The following CTNNA3 variants were observed in gnomAD, a reference collection of about 807,000 sequenced individuals.
CTNNA3 encodes catenin alpha-3.
In CTNNA3, 76 loss-of-function variants were observed where a neutral mutation model predicts 95.7. That is an observed-to-expected ratio of 0.79 (90% CI 0.66 to 0.96). The LOEUF (loss-of-function observed/expected upper bound fraction) is 0.96. Among genes scored for constraint, CTNNA3 ranks in the 40% least tolerant of loss-of-function variants. The pLI, the probability that CTNNA3 is intolerant of heterozygous loss-of-function variation, is 0.00. For synonymous variants in CTNNA3, 431 were observed against 374.4 expected (o/e 1.15, Z -1.74); for missense variants, 1,191 against 1,089.8 (o/e 1.09, Z -1.31).
intron 10 of CTNNA3, among the ~76,000 whole-genome samples, chr10:66,600,520 C>T (rs1843882283): frequency 1.3e-5 from 2 of 151,750 alleles, no homozygotes; most frequent in South Asian, 4.1e-4. Flanking sequence ...GCATAACACA[C>T]TGATCCATCA....
chr10:66,315,146 A>G lies in CTNNA3; in HGVS notation c.1733-34525T>C, dbSNP rs371016469. On this transcript the variant is annotated intron_variant, in intron 12 of 17. Coordinates refer to ENST00000433211, the MANE Select transcript of CTNNA3 (RefSeq NM_013266.4). ...GCTTATTGCTCCTTTTTTTTTCTCT[A>G]CTAGAAGTAAGTAATTTTCCTCCTT... Among the ~76,000 whole-genome samples, 5 of 151,798 alleles carry G rather than the reference A, an allele frequency of 3.3e-5. No homozygotes were observed. In the East Asian group the frequency reaches 7.7e-4, roughly 24 times the overall value.
chr10:67,704,636 T>C (rs1171684691), intron 1 of CTNNA3, among the ~76,000 whole-genome samples: 1 of 151,952 alleles, frequency 6.6e-6, no homozygotes, highest in Non-Finnish European at 1.5e-5. Context: ...TCAAGATGGA[T>C]TAAAGACTTA....
chr10:67,640,453 C>G (rs957684161), intron 2 of CTNNA3, among the ~76,000 whole-genome samples: 1 of 152,128 alleles, frequency 6.6e-6, no homozygotes, highest in African/African-American at 2.4e-5. Flanking sequence ...ATATTCAATG[C>G]CATCCCCATC....
chr10:65,970,502 T>A (rs1009499370), intron 16 of CTNNA3, among the ~76,000 whole-genome samples: 2 of 151,844 alleles, frequency 1.3e-5, no homozygotes, highest in Admixed American at 6.6e-5. Context: ...AATAACAACA[T>A]CCATTCATCT....
intron 5 of CTNNA3, among the ~76,000 whole-genome samples, chr10:67,455,401 C>T (rs1847135288): frequency 6.6e-6 from 1 of 152,102 alleles, no homozygotes; most frequent in Non-Finnish European, 1.5e-5. Context: ...TTTACAGATA[C>T]TCCCCCTCCA....
intron 5 of CTNNA3, among the ~76,000 whole-genome samples, chr10:67,510,670 A>T (rs2133127959): frequency 6.6e-6 from 1 of 152,238 alleles, no homozygotes; most frequent in Non-Finnish European, 1.5e-5. Context: ...TTGTCTTGGC[A>T]CTACAAGCTC....
rs74142495 is a variant in CTNNA3, at chr10:67,347,702, G to A, written c.580-127832C>T. ...TTTTTAGTAAATGTTAGTGTACAAA[G>A]GTAATTTAGGTTTTGAGGTGTATCC... is the stretch of plus-strand genomic sequence containing the variant. On this transcript the variant is annotated intron_variant, in intron 5 of 17. Coordinates refer to ENST00000433211, the MANE Select transcript of CTNNA3 (RefSeq NM_013266.4). 2.2e-3 allele frequency among the ~76,000 whole-genome samples: 334 copies of A among 151,932 alleles called. 1 individual carries two copies. Among genetic ancestry groups the A allele is most frequent in the African/African-American group, 7.7e-3 (317 of 41,434 alleles).
intron 1 of CTNNA3, among the ~76,000 whole-genome samples, chr10:67,683,727 C>T (rs960406869): frequency 6.6e-6 from 1 of 152,196 alleles, no homozygotes; most frequent in East Asian, 1.9e-4. Context: ...AGTGTTACCA[C>T]TCTTAAAGAT....
Position 67,138,723 on chromosome 10 carries a change from C to G in CTNNA3, c.1047+41594G>C, listed in dbSNP as rs73260224. ...GATGATTTGCCCATAAATGAGCACC[C>G]AACCCAACTTTCTGGGTTTTTTGAA... is the stretch of plus-strand genomic sequence containing the variant. On this transcript the variant is annotated intron_variant, in intron 7 of 17. Coordinates refer to ENST00000433211, the MANE Select transcript of CTNNA3 (RefSeq NM_013266.4). Among the ~76,000 whole-genome samples, 199 of 152,224 alleles carry G rather than the reference C, an allele frequency of 1.3e-3. 2 individuals are homozygous for G. Among genetic ancestry groups the G allele is most frequent in the African/African-American group, 4.6e-3 (193 of 41,536 alleles).
At chr10:66,460,468 A>C (rs1306368896) in intron 11 of CTNNA3, among the ~76,000 whole-genome samples, 1 of 152,198 alleles carries the variant, frequency 6.6e-6, no homozygotes. Context: ...ATATTGGTTT[A>C]GACTTCTTGG....
At chr10:66,115,911 G>A (rs550637832) in intron 13 of CTNNA3, among the ~76,000 whole-genome samples, 1 of 152,194 alleles carries the variant, frequency 6.6e-6, no homozygotes, top group South Asian at 2.1e-4. Flanking sequence ...CAGTAATTCA[G>A]ATCTATATTA....
intron 8 of CTNNA3, 22 bp downstream of exon 8, chr10:66,775,422 C>T (rs1167124934): frequency 6.5e-7 from 1 of 1,535,622 alleles, no homozygotes; most frequent in South Asian, 1.2e-5. Flanking sequence ...GTTTCTGACT[C>T]CATATCTCTC....
At chr10:67,737,124 G>A (rs113868675) in intron 1 of CTNNA3, among the ~76,000 whole-genome samples, 5,258 of 151,824 alleles carry the variant, frequency 0.035, 99 homozygotes, top group Middle Eastern at 0.085. Flanking sequence ...CCACCACACC[G>A]GGCTAATTTC....
chr10:66,231,298 T>G (rs2132010627), intron 13 of CTNNA3, among the ~76,000 whole-genome samples: 1 of 152,304 alleles, frequency 6.6e-6, no homozygotes, highest in Non-Finnish European at 1.5e-5. Flanking sequence ...TTTCTCTATA[T>G]GCATATATGA....
chr10:66,874,557 GT>G (rs1844540728), intron 7 of CTNNA3, among the ~76,000 whole-genome samples: 1 of 152,146 alleles, frequency 6.6e-6, no homozygotes, highest in African/African-American at 2.4e-5. Flanking sequence ...ATTTAAACAT[GT>G]ATACATAAAT....
At chr10:66,810,232 A>C (rs1841821006) in intron 7 of CTNNA3, among the ~76,000 whole-genome samples, 1 of 152,204 alleles carries the variant, frequency 6.6e-6, no homozygotes, top group Non-Finnish European at 1.5e-5. Flanking sequence ...TAAGCAGAGG[A>C]GTGAAAGTTA....
chr10:66,804,375 T>A (rs1302326527), intron 7 of CTNNA3, among the ~76,000 whole-genome samples: 1 of 152,034 alleles, frequency 6.6e-6, no homozygotes, highest in Non-Finnish European at 1.5e-5. Context: ...GCATCATCCC[T>A]ACATCCGCGC....
exon 1 of CTNNA3, among the ~76,000 whole-genome samples, chr10:67,763,567 C>T (rs1008511501): frequency 1.3e-5 from 2 of 152,188 alleles, no homozygotes; most frequent in African/African-American, 4.8e-5. Flanking sequence ...TAGTAAAAGG[C>T]CTTCTGTTAC....
At chr10:66,111,245 G>T (rs1453020418) in intron 13 of CTNNA3, among the ~76,000 whole-genome samples, 1 of 152,026 alleles carries the variant, frequency 6.6e-6, no homozygotes, top group Non-Finnish European at 1.5e-5. Context: ...TCCACCTCCT[G>T]CCCTGTAGAT....
Sources: allele counts gnomAD v4.1 joint callset (sites outside exome capture counted in the v4.1 genomes callset), GRCh38; gene constraint gnomAD v4.1.1; transcripts MANE v1.5; gene names NCBI Gene and HGNC (gene_info 2026-07-23, HGNC 2026-07-21).